Variants in KCNH1 observed in about 807,000 individuals in gnomAD.
The protein encoded by KCNH1 is potassium voltage-gated channel subfamily H member 1.
In KCNH1, 27 loss-of-function variants were observed where a neutral mutation model predicts 69.2. The observed-to-expected ratio is 0.39, with a 90% CI of 0.29 to 0.54. The LOEUF is 0.54. Among genes scored for constraint, KCNH1 ranks in the 20% least tolerant of loss-of-function variants. The probability of loss-of-function intolerance (pLI) is 0.68; values close to 1 mark genes in which losing one functional copy is unlikely to be tolerated. For missense variants in KCNH1, 798 were observed against 1,261.6 expected, an observed-to-expected ratio of 0.63 and a Z score of 5.57; for synonymous variants, 456 against 487.7, an observed-to-expected ratio of 0.93 and a Z score of 0.86.
intron 7 of KCNH1, among the ~76,000 whole-genome samples, chr1:210,908,372 G>A (rs556766157): frequency 7.2e-5 from 11 of 152,158 alleles, no homozygotes; most frequent in Non-Finnish European, 1.2e-4. Flanking sequence ...TTAAGGTGCT[G>A]GATTCCATCC....
chr1:210,733,445 G>A (rs751508360), intron 10 of KCNH1, among the ~76,000 whole-genome samples: 16 of 152,266 alleles, frequency 1.1e-4, no homozygotes, highest in Admixed American at 2.0e-4. Flanking sequence ...TTCAATTACC[G>A]TCCAAACCAG....
chr1:211,048,385 A>T (rs1046677971), intron 5 of KCNH1, among the ~76,000 whole-genome samples: 2 of 152,226 alleles, frequency 1.3e-5, no homozygotes, highest in Non-Finnish European at 2.9e-5. Context: ...TTGCACATGC[A>T]TGTTTACAGC....
intron 1 of KCNH1, among the ~76,000 whole-genome samples, chr1:211,108,172 A>G (rs1418986050): frequency 6.6e-6 from 1 of 152,160 alleles, no homozygotes; most frequent in Non-Finnish European, 1.5e-5. Flanking sequence ...ATTTTTGAAA[A>G]TCAGTCGTCA....
chr1:211,080,550 C>T (rs549902303), intron 5 of KCNH1, among the ~76,000 whole-genome samples: 69 of 152,174 alleles, frequency 4.5e-4, no homozygotes, highest in Non-Finnish European at 8.2e-4. Flanking sequence ...AGGCATCATG[C>T]TACCTGACTT....
chr1:210,987,704 C>T (rs2102385870), intron 6 of KCNH1, among the ~76,000 whole-genome samples: 1 of 152,290 alleles, frequency 6.6e-6, no homozygotes, highest in Non-Finnish European at 1.5e-5. Context: ...CTGGGGGGTG[C>T]CTCCCAGTTA....
chr1:211,030,493 G>A (rs1232240611), intron 5 of KCNH1, among the ~76,000 whole-genome samples: 1 of 152,134 alleles, frequency 6.6e-6, no homozygotes, highest in Non-Finnish European at 1.5e-5. Flanking sequence ...TGGTGCAAAC[G>A]CAATTTGTGC....
At position 210,804,627 on chromosome 1, in the gene KCNH1, G is replaced by A. The variant is rs996851633; in HGVS notation, c.1463-461C>T. On this transcript the variant is annotated intron_variant, in intron 7 of 10. Transcript: ENST00000271751. The stretch of plus-strand genomic sequence containing the variant: ...AATGAGCTTTATCAAGCTCTGCTAC[G>A]TGCCAAGCACTGTGCTACCTGCCAA... Among the ~76,000 whole-genome samples the A allele has an allele frequency of 3.9e-5, 6 of 152,142 alleles. 1 individual carries two copies. The highest frequency in any genetic ancestry group is 1.3e-4 in the Admixed American group (2 of 15,278).
intron 7 of KCNH1, among the ~76,000 whole-genome samples, chr1:210,906,474 C>T (rs1574330494): frequency 6.6e-6 from 1 of 152,222 alleles, no homozygotes; most frequent in African/African-American, 2.4e-5. Context: ...GGATCAAGTA[C>T]TGGAGAGAAG....
intron 6 of KCNH1, among the ~76,000 whole-genome samples, chr1:210,988,451 C>G (rs1688884203): frequency 6.6e-6 from 1 of 151,928 alleles, no homozygotes; most frequent in Non-Finnish European, 1.5e-5. Flanking sequence ...ATACTTAAAG[C>G]TTTATTATTG....
intron 6 of KCNH1, among the ~76,000 whole-genome samples, chr1:210,931,166 A>T (rs553119163): frequency 7.6e-4 from 116 of 152,354 alleles, no homozygotes; most frequent in African/African-American, 2.4e-3. Context: ...ACTACTAGGT[A>T]TCTACCCAGA....
At chr1:210,959,934 A>G (rs188995036) in intron 6 of KCNH1, among the ~76,000 whole-genome samples, 2,156 of 152,256 alleles carry the variant, frequency 0.014, 39 homozygotes, top group Middle Eastern at 0.024. Flanking sequence ...ACCAGTCCCA[A>G]TGAGATGAAC....
At chr1:210,937,529 T>C (rs1177497573) in intron 6 of KCNH1, among the ~76,000 whole-genome samples, 2 of 152,216 alleles carry the variant, frequency 1.3e-5, no homozygotes, top group Non-Finnish European at 2.9e-5. Flanking sequence ...AGCATGGCAG[T>C]ACTGCTAGTT....
chr1:210,761,878 G>C (rs1195221492), intron 10 of KCNH1, among the ~76,000 whole-genome samples: 3 of 152,078 alleles, frequency 2.0e-5, no homozygotes, highest in Non-Finnish European at 4.4e-5. Flanking sequence ...ACTTAAATTT[G>C]GTACTCGACC....
At chr1:210,756,866 C>T (rs1018952330) in intron 10 of KCNH1, among the ~76,000 whole-genome samples, 10 of 152,166 alleles carry the variant, frequency 6.6e-5, no homozygotes, top group Non-Finnish European at 1.3e-4. Flanking sequence ...TTAGGTAAAA[C>T]AAGGTCAGGA....
intron 1 of KCNH1, among the ~76,000 whole-genome samples, chr1:211,120,374 G>T (rs1691664049): frequency 6.6e-6 from 1 of 151,908 alleles, no homozygotes; most frequent in Admixed American, 6.6e-5. Context: ...ATTTTTAGTA[G>T]AGACGGGATT....
At chr1:210,931,374 G>A (rs1033177417) in intron 6 of KCNH1, among the ~76,000 whole-genome samples, 4 of 152,164 alleles carry the variant, frequency 2.6e-5, no homozygotes, top group African/African-American at 9.7e-5. Context: ...CAGCAACCTG[G>A]ATGGAATTGG....
intron 7 of KCNH1, among the ~76,000 whole-genome samples, chr1:210,815,450 A>T (rs1684792726): frequency 6.6e-6 from 1 of 152,190 alleles, no homozygotes; most frequent in Non-Finnish European, 1.5e-5. Flanking sequence ...CTTGATGGAA[A>T]TAACTACACT....
chr1:211,031,343 A>G (rs1689780871), intron 5 of KCNH1, among the ~76,000 whole-genome samples: 1 of 152,228 alleles, frequency 6.6e-6, no homozygotes, highest in Non-Finnish European at 1.5e-5. Context: ...ATTCCTTCAG[A>G]AACTATTCCA....
At chr1:211,001,050 C>G (rs536448055) in intron 6 of KCNH1, among the ~76,000 whole-genome samples, 3 of 152,136 alleles carry the variant, frequency 2.0e-5, no homozygotes, top group East Asian at 3.9e-4. Flanking sequence ...GACCTAAAAC[C>G]ATAAAAACCC....
Sources: allele counts gnomAD v4.1 joint callset (sites outside exome capture counted in the v4.1 genomes callset), GRCh38; gene constraint gnomAD v4.1.1; transcripts MANE v1.5; gene names NCBI Gene and HGNC (gene_info 2026-07-23, HGNC 2026-07-21).